Variants in GLCE observed in about 807,000 individuals in gnomAD.
GLCE encodes D-glucuronyl C5-epimerase.
A neutral mutation model predicts 47.9 loss-of-function variants in GLCE; 19 were observed. The observed-to-expected ratio is 0.40, with a 90% confidence interval of 0.28 to 0.58. The LOEUF is 0.58. Ranked by LOEUF, GLCE falls within the 20% of genes least tolerant of loss-of-function variation. GLCE has a pLI of 0.48. For missense variants in GLCE, 556 were observed against 743.3 expected, an observed-to-expected ratio of 0.75 and a Z score of 2.93; for synonymous variants, 245 against 263.4, an observed-to-expected ratio of 0.93 and a Z score of 0.68.
At chr15:69,232,091 C>T (rs921603625) in intron 2 of GLCE, among the ~76,000 whole-genome samples, 2 of 152,144 alleles carry the variant, frequency 1.3e-5, no homozygotes, top group Non-Finnish European at 2.9e-5. Flanking sequence ...ACCCCGGCCT[C>T]AGATTTTTAT....
chr15:69,201,404 C>T (rs925219643), intron 1 of GLCE, among the ~76,000 whole-genome samples: 2 of 151,864 alleles, frequency 1.3e-5, no homozygotes, highest in African/African-American at 4.8e-5. Flanking sequence ...TGTGTCTAGT[C>T]ATTGTAGTAG....
chr15:69,188,940 G>C (rs1244638030), intron 1 of GLCE, among the ~76,000 whole-genome samples: 2 of 152,156 alleles, frequency 1.3e-5, no homozygotes, highest in Non-Finnish European at 2.9e-5. Context: ...GGAAAATACA[G>C]AGTTCTTATA....
intron 1 of GLCE, among the ~76,000 whole-genome samples, chr15:69,180,081 A>T (rs917813950): frequency 1.3e-5 from 2 of 152,232 alleles, no homozygotes; most frequent in Admixed American, 1.3e-4. Context: ...AAAAATCTTC[A>T]TGGAAATAAT....
intron 2 of GLCE, among the ~76,000 whole-genome samples, chr15:69,225,727 G>C (rs1371435049): frequency 6.6e-6 from 1 of 152,148 alleles, no homozygotes; most frequent in Non-Finnish European, 1.5e-5. Flanking sequence ...TACTCTCTCT[G>C]TGCCTGGCAT....
chr15:69,198,356 A>G (rs1381467073), intron 1 of GLCE, among the ~76,000 whole-genome samples: 1 of 152,164 alleles, frequency 6.6e-6, no homozygotes, highest in Non-Finnish European at 1.5e-5. Context: ...CACTCAAAAC[A>G]CACATTTATT....
At chr15:69,187,914 A>G (rs984081596) in intron 1 of GLCE, among the ~76,000 whole-genome samples, 4 of 152,096 alleles carry the variant, frequency 2.6e-5, no homozygotes, top group African/African-American at 4.8e-5. Flanking sequence ...AATACAAAAA[A>G]TTAGCCAGGC....
rs2053114136 is a variant in GLCE, at chr15:69,268,304, G to A, written c.914G>A (p.Ser305Asn). The change falls in exon 5 of 5, where the codon AGT becomes AAT. Residue 305 changes from serine (S) to asparagine (N), a missense_variant. By Grantham distance (46) the Ser-to-Asn change is conservative (BLOSUM62 1). This residue lies in a region of GLCE where 74 missense variants were observed against 64.4 expected (regional missense o/e 1.15). Transcript: ENST00000261858. Reference protein sequence around the residue: ...SFDLKFLTNGSVSVVLETTEK... With the variant: ...SFDLKFLTNGNVSVVLETTEK... ...GACCTCAAGTTCTTGACAAATGGAA[G>A]TGTGTCCGTGGTTCTAGAGACCACA... 3.1e-6 allele frequency: 5 copies of A among 1,611,836 alleles called. No individual in the cohort carries two copies. The highest frequency in any genetic ancestry group is 4.2e-6 in the Non-Finnish European group (5 of 1,178,268).
intron 2 of GLCE, among the ~76,000 whole-genome samples, chr15:69,232,973 G>A (rs2140406918): frequency 6.6e-6 from 1 of 152,270 alleles, no homozygotes; most frequent in Admixed American, 6.5e-5. Flanking sequence ...CAGACAGTAG[G>A]AAAGGAGCCA....
chr15:69,260,822 A>G, intron 3 of GLCE: 2 of 365,092 alleles, frequency 5.5e-6, no homozygotes, highest in Non-Finnish European at 9.9e-6. Context: ...CACACACAAA[A>G]AGCCAGTCCT....
intron 2 of GLCE, among the ~76,000 whole-genome samples, chr15:69,247,226 A>G (rs1364758895): frequency 6.6e-6 from 1 of 152,196 alleles, no homozygotes; most frequent in Non-Finnish European, 1.5e-5. Flanking sequence ...GGCTGCTTTC[A>G]TCAATGATCT....
chr15:69,213,669 A>T (rs373477170), intron 2 of GLCE, among the ~76,000 whole-genome samples: 25 of 152,234 alleles, frequency 1.6e-4, no homozygotes, highest in African/African-American at 5.5e-4. Flanking sequence ...TTGGGGGAAA[A>T]TGCTTTGAGG....
chr15:69,168,814 G>A (rs2051542955), intron 1 of GLCE, among the ~76,000 whole-genome samples: 1 of 152,186 alleles, frequency 6.6e-6, no homozygotes, highest in Non-Finnish European at 1.5e-5. Context: ...TTACAGGCGT[G>A]AGCCACTGCC....
intron 2 of GLCE, among the ~76,000 whole-genome samples, chr15:69,249,747 C>G (rs2052811065): frequency 6.6e-6 from 1 of 151,984 alleles, no homozygotes; most frequent in Non-Finnish European, 1.5e-5. Context: ...ATCCATAGTT[C>G]CTGATATTTA....
chr15:69,261,420 A>G, intron 4 of GLCE, 91 bp downstream of exon 4: 1 of 1,197,554 alleles, frequency 8.4e-7, no homozygotes, highest in Non-Finnish European at 1.2e-6. Flanking sequence ...TTAAAAAAAC[A>G]CATAAGCAGA....
At chr15:69,208,079 C>G (rs560687677) in intron 1 of GLCE, among the ~76,000 whole-genome samples, 57 of 152,108 alleles carry the variant, frequency 3.7e-4, no homozygotes, top group Non-Finnish European at 7.2e-4. Flanking sequence ...GGTATTATCT[C>G]CCTGTCAGTA....
At chr15:69,238,702 A>G (rs956658446) in intron 2 of GLCE, among the ~76,000 whole-genome samples, 1 of 152,244 alleles carries the variant, frequency 6.6e-6, no homozygotes, top group African/African-American at 2.4e-5. Context: ...TGTGGAAAGA[A>G]TAGGTTGCCA....
chr15:69,265,981 A>G (rs1409102924), intron 4 of GLCE, among the ~76,000 whole-genome samples: 1 of 152,214 alleles, frequency 6.6e-6, no homozygotes. Context: ...TGTTGTCCTG[A>G]ACTTCAGATC....
intron 2 of GLCE, among the ~76,000 whole-genome samples, chr15:69,248,197 G>T (rs2052781995): frequency 6.6e-6 from 1 of 152,132 alleles, no homozygotes. Flanking sequence ...TTACTGGAAG[G>T]ATCCTAACAA....
chr15:69,197,090 G>T, intron 1 of GLCE: 1 of 328,544 alleles, frequency 3.0e-6, no homozygotes, highest in South Asian at 2.8e-5. Flanking sequence ...TGAGATGCAT[G>T]GAAAGCTGCA....
Sources: gnomAD v4.1 joint callset for allele counts (sites outside exome capture counted in the v4.1 genomes callset) on GRCh38, gnomAD v4.1.1 for gene constraint, gnomAD v4.1.1 regional missense constraint, MANE v1.5 for transcripts, NCBI Gene and HGNC (gene_info 2026-07-23, HGNC 2026-07-21) for gene names.